Variants in IGSF21 observed in about 807,000 individuals in gnomAD.
The protein encoded by IGSF21 is immunoglobin superfamily member 21.
Under a neutral mutation model 46.8 loss-of-function variants are expected in IGSF21, and 28 were observed. That is an observed-to-expected ratio of 0.60 (90% CI 0.44 to 0.82). The LOEUF (loss-of-function observed/expected upper bound fraction) is 0.82, where lower values mean the gene tolerates loss of function less well. Ranked by LOEUF, IGSF21 falls within the 40% of genes least tolerant of loss-of-function variation. The probability of loss-of-function intolerance (pLI) is 0.00; values close to 1 mark genes in which losing one functional copy is unlikely to be tolerated. For synonymous variants in IGSF21, 284 were observed against 273.6 expected (o/e 1.04, Z -0.38); for missense variants, 624 against 665.5 (o/e 0.94, Z 0.69).
At chr1:18,125,600 C>A (rs1374754793) in intron 1 of IGSF21, among the ~76,000 whole-genome samples, 1 of 152,202 alleles carries the variant, frequency 6.6e-6, no homozygotes, top group African/African-American at 2.4e-5. Flanking sequence ...TTGATTCATT[C>A]ATTTATTCAT....
intron 1 of IGSF21, chr1:18,111,588 A>G (rs1489317071): frequency 6.6e-6 from 1 of 152,146 alleles, no homozygotes; most frequent in African/African-American, 2.4e-5. Context: ...CAACCTCAAG[A>G]CTGCTCCCTT....
intron 1 of IGSF21, among the ~76,000 whole-genome samples, chr1:18,184,616 T>C (rs900724906): frequency 2.0e-5 from 3 of 152,132 alleles, no homozygotes; most frequent in East Asian, 1.9e-4. Flanking sequence ...GCCCCAGAGA[T>C]AAGAAGATTG....
At chr1:18,228,946 C>A (rs1160631317) in intron 2 of IGSF21, among the ~76,000 whole-genome samples, 1 of 152,222 alleles carries the variant, frequency 6.6e-6, no homozygotes, top group Non-Finnish European at 1.5e-5. Context: ...TGAAACTTTA[C>A]TCATGGGCAC....
intron 2 of IGSF21, among the ~76,000 whole-genome samples, chr1:18,235,284 A>G (rs1015509885): frequency 3.9e-5 from 6 of 152,230 alleles, no homozygotes; most frequent in Non-Finnish European, 5.9e-5. Flanking sequence ...TTCAACACAT[A>G]TTTATGAAAC....
chr1:18,231,300 A>G (rs1447181033), intron 2 of IGSF21, among the ~76,000 whole-genome samples: 1 of 152,252 alleles, frequency 6.6e-6, no homozygotes, highest in Non-Finnish European at 1.5e-5. Flanking sequence ...AGGGCAGCTG[A>G]TGAAATTATC....
intron 4 of IGSF21, among the ~76,000 whole-genome samples, chr1:18,345,753 A>G (rs911658468): frequency 1.3e-5 from 2 of 152,200 alleles, no homozygotes; most frequent in Non-Finnish European, 2.9e-5. Flanking sequence ...TATATCATTT[A>G]TAACAGCCTT....
rs971996784 is a variant in IGSF21, at chr1:18,365,901, G to A, written c.1015+204G>A. ...TTGGAGAAGATGGGAGGTACCCACA[G>A]GCCAAGGTAGTTTGCTGGGTTGAGC... is the stretch of plus-strand genomic sequence containing the variant. On this transcript the variant is annotated intron_variant, in intron 6 of 9. Coordinates refer to ENST00000251296, the MANE Select transcript of IGSF21 (RefSeq NM_032880.5). This position sits in a 1 kb window ranked among gnomAD's most constrained non-coding sequence, Gnocchi z 4.8. Among the ~76,000 whole-genome samples, 1 of 152,152 alleles carries A rather than the reference G, an allele frequency of 6.6e-6. No individual in the cohort carries two copies. Among genetic ancestry groups the A allele is most frequent in the Non-Finnish European group, 1.5e-5 (1 of 68,036 alleles).
intron 1 of IGSF21, among the ~76,000 whole-genome samples, chr1:18,131,191 C>T (rs1420146265): frequency 6.6e-6 from 1 of 152,192 alleles, no homozygotes; most frequent in East Asian, 1.9e-4. Flanking sequence ...GAGGGGCATA[C>T]CTGAGGCAGA....
At chr1:18,341,444 A>G (rs755603860) in intron 4 of IGSF21, among the ~76,000 whole-genome samples, 10 of 152,216 alleles carry the variant, frequency 6.6e-5, no homozygotes, top group Non-Finnish European at 1.2e-4. Flanking sequence ...CCACAGCAGT[A>G]ACTGAGTCAG....
chr1:18,227,889 C>G lies in IGSF21; in HGVS notation c.71-9C>G, dbSNP rs754114870. 5 of 1,610,986 alleles carry G rather than the reference C, an allele frequency of 3.1e-6. No homozygotes were observed. The highest frequency in any genetic ancestry group is 3.4e-6 in the Non-Finnish European group (4 of 1,177,168). On this transcript the variant is annotated splice_polypyrimidine_tract_variant and intron_variant, in intron 1 of 9. Transcript: ENST00000251296. ...TGCCCTTACCACCCCTTTCTCCTCT[C>G]TTCTGTAGGCTACCTGACAGTCAAC...
chr1:18,124,570 T>C (rs1199268982), intron 1 of IGSF21, among the ~76,000 whole-genome samples: 1 of 152,168 alleles, frequency 6.6e-6, no homozygotes, highest in Admixed American at 6.5e-5. Context: ...TGACCTTATG[T>C]GGCTCTTCGT....
At chr1:18,165,250 A>G (rs907869565) in intron 1 of IGSF21, among the ~76,000 whole-genome samples, 1 of 152,146 alleles carries the variant, frequency 6.6e-6, no homozygotes, top group African/African-American at 2.4e-5. Context: ...TTTTTCCCAC[A>G]GTTCTGGATG....
chr1:18,215,662 T>C (rs1467944808), intron 1 of IGSF21, among the ~76,000 whole-genome samples: 1 of 152,076 alleles, frequency 6.6e-6, no homozygotes, highest in East Asian at 1.9e-4. Flanking sequence ...GAGCTCTAAG[T>C]AAGTCAGGAT....
At chr1:18,237,977 G>A (rs1269377646) in intron 2 of IGSF21, among the ~76,000 whole-genome samples, 1 of 150,848 alleles carries the variant, frequency 6.6e-6, no homozygotes, top group African/African-American at 2.4e-5. Flanking sequence ...GGGCCTCAGG[G>A]TCCCTAGGAA....
intron 3 of IGSF21, among the ~76,000 whole-genome samples, chr1:18,328,165 T>G (rs1388221237): frequency 6.6e-6 from 1 of 152,252 alleles, no homozygotes; most frequent in Non-Finnish European, 1.5e-5. Flanking sequence ...ATGATGGGAT[T>G]ACGTCCCAAT....
Position 18,378,338 on chromosome 1 carries a change from CCG to C in IGSF21, c.*13_*14del. The C allele has an allele frequency of 6.2e-7, 1 of 1,611,580 alleles. No homozygotes were observed. Among genetic ancestry groups the C allele is most frequent in the Non-Finnish European group, 8.5e-7 (1 of 1,178,080 alleles). ...TGGAGCTGACGTGAAGGCACCCGCC[CCG>C]GCCACTCCATCAGGCACTGACATCT... On this transcript the variant is annotated 3_prime_UTR_variant, in exon 10 of 10. Coordinates refer to ENST00000251296, the MANE Select transcript of IGSF21 (RefSeq NM_032880.5).
intron 3 of IGSF21, among the ~76,000 whole-genome samples, chr1:18,297,082 C>T (rs144429193): frequency 2.0e-5 from 3 of 152,264 alleles, no homozygotes; most frequent in African/African-American, 7.2e-5. Context: ...TCAAGCTCAC[C>T]GACTGATGCT....
At position 18,269,783 on chromosome 1, in the gene IGSF21, G is replaced by A. The variant is rs191730090; in HGVS notation, c.184-22083G>A. Among the ~76,000 whole-genome samples, 89 of 152,108 alleles carry A rather than the reference G, an allele frequency of 5.9e-4. 1 individual carries two copies. Among genetic ancestry groups the A allele is most frequent in the Admixed American group, 2.0e-3 (30 of 15,280 alleles). ...GGTGATCTCGGACCTTTCTTTCCCC[G>A]CAGGGCCCCTTGAGAAAGAGCAGAG... On this transcript the variant is annotated intron_variant, in intron 2 of 9. Transcript: ENST00000251296.
chr1:18,200,599 C>G (rs1283938151), intron 1 of IGSF21, among the ~76,000 whole-genome samples: 1 of 152,278 alleles, frequency 6.6e-6, no homozygotes, highest in East Asian at 1.9e-4. Context: ...GTCCAAATTC[C>G]GCTCTTCTTA....
Sources: gnomAD v4.1 joint callset for allele counts (sites outside exome capture counted in the v4.1 genomes callset) on GRCh38, gnomAD v4.1.1 for gene constraint, Gnocchi (gnomAD v3.1) non-coding constraint, MANE v1.5 for transcripts, NCBI Gene and HGNC (gene_info 2026-07-23, HGNC 2026-07-21) for gene names.